Variants in SHROOM3 observed in about 807,000 individuals in gnomAD.
SHROOM3 encodes the protein shroom family member 3.
A neutral mutation model predicts 138.6 loss-of-function variants in SHROOM3; 47 were observed. That is an observed-to-expected ratio of 0.34 (90% CI 0.27 to 0.43). The LOEUF (loss-of-function observed/expected upper bound fraction) is 0.43, where lower values mean the gene tolerates loss of function less well. Ranked by LOEUF, SHROOM3 falls within the 20% of genes least tolerant of loss-of-function variation. SHROOM3 has a pLI of 1.00. For synonymous variants in SHROOM3, 1,062 were observed against 1,063.3 expected (o/e 1.00, Z 0.02); for missense variants, 2,491 against 2,596.5 (o/e 0.96, Z 0.88).
At chr4:76,500,437 C>G (rs1369260752) in intron 1 of SHROOM3, among the ~76,000 whole-genome samples, 1 of 152,184 alleles carries the variant, frequency 6.6e-6, no homozygotes, top group Non-Finnish European at 1.5e-5. Flanking sequence ...ACTTCACCAT[C>G]TCATGTTGGT....
chr4:76,450,811 C>T (rs1479707896), intron 1 of SHROOM3, among the ~76,000 whole-genome samples: 1 of 152,082 alleles, frequency 6.6e-6, no homozygotes, highest in East Asian at 1.9e-4. Flanking sequence ...GTTGCCAACT[C>T]TGTAAATATA....
intron 2 of SHROOM3, among the ~76,000 whole-genome samples, chr4:76,606,007 AT>A (rs1164704632): frequency 0.027 from 2,082 of 77,116 alleles, 11 homozygotes; most frequent in African/African-American, 0.044. Flanking sequence ...ATATATATAT[AT>A]TTTTTTTTTT....
At chr4:76,444,484 C>CTTTTT (rs61655085) in intron 1 of SHROOM3, among the ~76,000 whole-genome samples, 62 of 60,170 alleles carry the variant, frequency 1.0e-3, no homozygotes, top group South Asian at 1.9e-3. Flanking sequence ...CTCTTTCTTT[C>CTTTTT]TTTTTTTTTT....
Position 76,650,300 on chromosome 4 carries a change from G to C in SHROOM3, c.324-59856G>C, listed in dbSNP as rs1326923566. ...GACAGGCAATGACAAATGCTGGTGA[G>C]AGTGTAGAGAAAAGGGAACCCTCAT... On this transcript the variant is annotated intron_variant, in intron 2 of 10. Transcript: ENST00000296043. Among the ~76,000 whole-genome samples, 5 of 152,148 alleles carry C rather than the reference G, an allele frequency of 3.3e-5. No individual in the cohort carries two copies. In the East Asian group the frequency reaches 9.6e-4, roughly 29 times the overall value.
intron 1 of SHROOM3, among the ~76,000 whole-genome samples, chr4:76,442,737 A>T (rs1730721430): frequency 6.6e-6 from 1 of 151,690 alleles, no homozygotes; most frequent in African/African-American, 2.4e-5. Context: ...TATGAATCCT[A>T]GCTCCCCTGT....
intron 2 of SHROOM3, among the ~76,000 whole-genome samples, chr4:76,653,273 C>A (rs923942954): frequency 6.6e-6 from 1 of 151,978 alleles, no homozygotes; most frequent in African/African-American, 2.4e-5. Context: ...AGCCTTGGTG[C>A]TGTTACTGTT....
chr4:76,588,040 C>G (rs536512340), intron 2 of SHROOM3, among the ~76,000 whole-genome samples: 1 of 152,154 alleles, frequency 6.6e-6, no homozygotes, highest in Non-Finnish European at 1.5e-5. Flanking sequence ...ATTCCCTAAT[C>G]TTAGCCCTAA....
At chr4:76,615,066 G>T (rs946490304) in intron 2 of SHROOM3, among the ~76,000 whole-genome samples, 1 of 152,208 alleles carries the variant, frequency 6.6e-6, no homozygotes, top group African/African-American at 2.4e-5. Flanking sequence ...GAGGAAGCTA[G>T]CTGAGAATGG....
chr4:76,619,954 C>T (rs528992591), intron 2 of SHROOM3, among the ~76,000 whole-genome samples: 11 of 151,186 alleles, frequency 7.3e-5, no homozygotes, highest in South Asian at 2.1e-4. Flanking sequence ...CCGACCTACT[C>T]GGGAGGCTGA....
chr4:76,478,304 G>A lies in SHROOM3; in HGVS notation c.168+42084G>A, dbSNP rs544255398. Among the ~76,000 whole-genome samples the A allele has an allele frequency of 1.7e-3, 261 of 152,270 alleles. 1 individual carries two copies. The highest frequency in any genetic ancestry group is 5.9e-3 in the African/African-American group (246 of 41,574). On this transcript the variant is annotated intron_variant, in intron 1 of 10. Transcript: ENST00000296043. ...AAGTTTGGTGGGGGGAGGGGCATCC[G>A]CCATTACCAAGGCTTGAGTAGGCAG...
At chr4:76,769,545 GC>G (rs2109790609) in intron 9 of SHROOM3, among the ~76,000 whole-genome samples, 1 of 152,258 alleles carries the variant, frequency 6.6e-6, no homozygotes, top group South Asian at 2.1e-4. Flanking sequence ...TTGGGTATTT[GC>G]TTCACTGTTT....
intron 6 of SHROOM3, among the ~76,000 whole-genome samples, chr4:76,752,170 G>T (rs901440659): frequency 6.6e-6 from 1 of 152,192 alleles, no homozygotes; most frequent in Non-Finnish European, 1.5e-5. Context: ...GCTTCAACAT[G>T]ACATTACGTG....
chr4:76,732,457 A>G (rs932032019), intron 4 of SHROOM3, among the ~76,000 whole-genome samples: 4 of 152,198 alleles, frequency 2.6e-5, no homozygotes, highest in Non-Finnish European at 5.9e-5. Flanking sequence ...AACCTCTCTC[A>G]GCATATCAGG....
chr4:76,667,700 G>GTAATCCCA (rs1218807092), intron 2 of SHROOM3, among the ~76,000 whole-genome samples: 75 of 152,020 alleles, frequency 4.9e-4, no homozygotes, highest in Admixed American at 2.3e-3. Flanking sequence ...TGGGCGCGGT[G>GTAATCCCA]GCTCACGCCT....
intron 10 of SHROOM3, among the ~76,000 whole-genome samples, chr4:76,773,419 G>A (rs1722439477): frequency 6.7e-6 from 1 of 149,548 alleles, no homozygotes; most frequent in African/African-American, 2.5e-5. Flanking sequence ...GAAACTGACA[G>A]AAAGTACATG....
At chr4:76,551,645 A>G (rs138274352) in intron 1 of SHROOM3, among the ~76,000 whole-genome samples, 2 of 152,256 alleles carry the variant, frequency 1.3e-5, no homozygotes, top group Admixed American at 6.5e-5. Flanking sequence ...ATGATTTCTC[A>G]TGAAGTCTCT....
At chr4:76,458,257 T>C (rs1032966088) in intron 1 of SHROOM3, among the ~76,000 whole-genome samples, 3 of 152,242 alleles carry the variant, frequency 2.0e-5, no homozygotes, top group South Asian at 2.1e-4. Context: ...CCCAGTTTTA[T>C]TTACTTACAT....
intron 2 of SHROOM3, among the ~76,000 whole-genome samples, chr4:76,603,454 CA>C (rs1337155277): frequency 2.0e-5 from 3 of 150,580 alleles, no homozygotes; most frequent in Non-Finnish European, 3.0e-5. Context: ...AACCCACAAA[CA>C]AAAAAAAACC....
At chr4:76,456,612 A>G (rs1731031874) in intron 1 of SHROOM3, among the ~76,000 whole-genome samples, 1 of 152,248 alleles carries the variant, frequency 6.6e-6, no homozygotes, top group East Asian at 1.9e-4. Flanking sequence ...AAGAGCAAAA[A>G]CTTCGAAAAA....
Sources: gnomAD v4.1 joint callset for allele counts (sites outside exome capture counted in the v4.1 genomes callset) on GRCh38, gnomAD v4.1.1 for gene constraint, MANE v1.5 for transcripts, NCBI Gene and HGNC (gene_info 2026-07-23, HGNC 2026-07-21) for gene names.